The following IDH1 variants were observed in gnomAD, a reference collection of about 807,000 sequenced individuals.
IDH1 encodes the protein isocitrate dehydrogenase (NADP(+)) 1.
IDH1 carries 33 observed loss-of-function variants against 46.1 expected under a neutral mutation model. The ratio of observed to expected loss-of-function variants is 0.72; its 90% CI spans 0.54 to 0.96. The LOEUF (loss-of-function observed/expected upper bound fraction) is 0.96, where lower values mean the gene tolerates loss of function less well. IDH1 is among the 40% of genes least tolerant of loss of function. IDH1 has a pLI of 0.00. For synonymous variants in IDH1, 144 were observed against 172.8 expected (o/e 0.83, Z 1.31); for missense variants, 421 against 515.7 (o/e 0.82, Z 1.78).
chr2:208,247,995 C>T, intron 4 of IDH1: 2 of 248,832 alleles, frequency 8.0e-6, no homozygotes, highest in South Asian at 5.0e-5. Context: ...AAAACAAAAC[C>T]ACCAAAAAAA....
At chr2:208,243,672 TA>T (rs1251086722) in intron 5 of IDH1, 68 bp from the exon 6 acceptor site, 2 of 1,275,512 alleles carry the variant, frequency 1.6e-6, no homozygotes, top group East Asian at 4.7e-5. Context: ...GTAATAAGGC[TA>T]AAATCACCCA....
intron 5 of IDH1, 123 bp downstream of exon 5, chr2:208,245,195 CA>C: frequency 1.5e-6 from 1 of 668,590 alleles, no homozygotes; most frequent in South Asian, 1.8e-5. Flanking sequence ...TCGGGTTTTG[CA>C]AAAACACTGT....
chr2:208,241,924 C>T (rs1687926349), intron 7 of IDH1, 70 bp downstream of exon 7: 1 of 1,517,448 alleles, frequency 6.6e-7, no homozygotes, highest in East Asian at 2.3e-5. Context: ...GACTACAAAA[C>T]TCCCCTTCCC....
rs564930424 is a variant in IDH1 at position 208,238,769 on chromosome 2, T to G, written c.1154+302A>C. ...ATTACAGCCCAGCACATGAACCAAA[T>G]CGAGGCTGGTTTTGAACATAAAAGT... On this transcript the variant is annotated intron_variant, in intron 9 of 9. Coordinates refer to ENST00000345146, the MANE Select transcript of IDH1 (RefSeq NM_005896.4). Among the ~76,000 whole-genome samples, 8 of 152,346 alleles carry G rather than the reference T, an allele frequency of 5.3e-5. No individual in the cohort carries two copies. In the East Asian group the frequency reaches 1.3e-3, roughly 26 times the overall value.
intron 9 of IDH1, among the ~76,000 whole-genome samples, chr2:208,237,677 T>C (rs1032553928): frequency 1.3e-5 from 2 of 151,524 alleles, no homozygotes; most frequent in Non-Finnish European, 2.9e-5. Flanking sequence ...TCCCAGCACT[T>C]TGGGGGGCCA....
At chr2:208,250,981 ACT>A (rs1412666940) in intron 3 of IDH1, among the ~76,000 whole-genome samples, 1 of 152,202 alleles carries the variant, frequency 6.6e-6, no homozygotes, top group Admixed American at 6.5e-5. Flanking sequence ...ATTCTTAGCC[ACT>A]GTTTTATTAC....
intron 2 of IDH1, among the ~76,000 whole-genome samples, 180 bp from the exon 3 acceptor site, chr2:208,251,747 A>G (rs1198339616): frequency 6.6e-6 from 1 of 152,142 alleles, no homozygotes; most frequent in Non-Finnish European, 1.5e-5. Flanking sequence ...ATTAGAATTG[A>G]GTATCTTCTC....
In IDH1 at chr2:208,239,200, T is replaced by C. The variant is rs1687872443; in HGVS notation, c.1025A>G (p.His342Arg). ...TTTATTGTTATCAAGCTTTGCTCTG[T>C]GGGCTAACCCTCTGGTCCAGGCAAA... ...SIFAWTRGLA[H>R]RAKLDNNKEL... Residue 342 changes from histidine to arginine, a missense_variant, in exon 9 of 10, where the codon CAC becomes CGC. Transcript: ENST00000345146. 3 of 1,614,118 alleles carry C rather than the reference T, an allele frequency of 1.9e-6. No individual in the cohort carries two copies. Among genetic ancestry groups the C allele is most frequent in the Non-Finnish European group, 1.7e-6 (2 of 1,180,010 alleles).
Position 208,239,105 on chromosome 2 carries a change from T to C in IDH1, c.1120A>G (p.Lys374Glu), listed in dbSNP as rs201267625. The C allele has an allele frequency of 5.6e-6, 9 of 1,614,002 alleles. No homozygotes were observed. Among genetic ancestry groups the C allele is most frequent in the Non-Finnish European group, 5.9e-6 (7 of 1,179,896 alleles). ...CCTTTAATGCAAGCAGCCAAGTCCT[T>C]GGTCATGAAGCCAGCCTCAATTGTC... is the stretch of plus-strand genomic sequence containing the variant. ...IETIEAGFMT[K>E]DLAACIKGLP... The change falls in exon 9 of 10, where the codon AAG (lysine) becomes GAG (glutamate). Residue 374 changes from lysine (K) to glutamate (E), a missense_variant. Lys to Glu is a moderately conservative substitution (Grantham distance 56). Transcript: ENST00000345146.
At chr2:208,237,613 C>T (rs1262978112) in intron 9 of IDH1, among the ~76,000 whole-genome samples, 3 of 152,100 alleles carry the variant, frequency 2.0e-5, no homozygotes, top group African/African-American at 7.2e-5. Flanking sequence ...TTATTTCTAT[C>T]AGTGTCTTAA....
At chr2:208,254,087 G>A (rs1336194571) in intron 1 of IDH1, 128 bp from the exon 2 acceptor site, 1 of 152,176 alleles carries the variant, frequency 6.6e-6, no homozygotes, top group African/African-American at 2.4e-5. Context: ...TACTCGGTGG[G>A]ACAAAGGCCA....
chr2:208,251,689 AT>A (rs1688128390), intron 2 of IDH1, 122 bp from the exon 3 acceptor site: 1 of 738,084 alleles, frequency 1.4e-6, no homozygotes, highest in Non-Finnish European at 2.2e-6. Context: ...ATGCAATTCA[AT>A]TTATGTGTAG....
At chr2:208,240,029 TG>T in intron 7 of IDH1, 26 bp from the exon 8 acceptor site, 1 of 1,613,772 alleles carries the variant, frequency 6.2e-7, no homozygotes, top group African/African-American at 1.3e-5. Context: ...CATGAAGCGT[TG>T]GGTCCAACTG....
chr2:208,239,296 C>G, intron 8 of IDH1, 63 bp from the exon 9 acceptor site: 1 of 1,540,926 alleles, frequency 6.5e-7, no homozygotes, highest in Non-Finnish European at 8.9e-7. Context: ...TTCCAAATGT[C>G]TCATAGTTCC....
intron 2 of IDH1, among the ~76,000 whole-genome samples, chr2:208,252,044 C>T (rs1159549200): frequency 6.6e-6 from 1 of 152,084 alleles, no homozygotes; most frequent in African/African-American, 2.4e-5. Flanking sequence ...TCAAGATGTC[C>T]AGAATGGTGA....
intron 2 of IDH1, among the ~76,000 whole-genome samples, chr2:208,253,093 A>G (rs552953330): frequency 6.6e-6 from 1 of 152,350 alleles, no homozygotes; most frequent in South Asian, 2.1e-4. Context: ...ATGTCCCTAT[A>G]TAGTATGATG....
At chr2:208,251,172 A>C (rs1010754654) in intron 3 of IDH1, 2 of 351,922 alleles carry the variant, frequency 5.7e-6, no homozygotes, top group Admixed American at 4.4e-5. Flanking sequence ...AGCTATATCT[A>C]TATAAAAAAA....
chr2:208,242,362 A>G (rs559985911), intron 6 of IDH1, among the ~76,000 whole-genome samples: 1 of 152,304 alleles, frequency 6.6e-6, no homozygotes, highest in African/African-American at 2.4e-5. Context: ...GAACAATTTT[A>G]CCCACCTTGC....
chr2:208,248,711 T>C (rs771578786), intron 3 of IDH1, 51 bp from the exon 4 acceptor site: 7 of 1,527,862 alleles, frequency 4.6e-6, no homozygotes, highest in African/African-American at 2.7e-5. Flanking sequence ...TGGATAGTTA[T>C]AACCTACAAC....
Sources: allele counts gnomAD v4.1 joint callset (sites outside exome capture counted in the v4.1 genomes callset), GRCh38; gene constraint gnomAD v4.1.1; transcripts MANE v1.5; gene names NCBI Gene and HGNC (gene_info 2026-07-23, HGNC 2026-07-21).